The following SEMA3C variants were observed in gnomAD, a reference collection of about 807,000 sequenced individuals.
SEMA3C encodes the protein semaphorin 3C.
Under a neutral mutation model 89.4 loss-of-function variants are expected in SEMA3C, and 47 were observed. The observed-to-expected ratio is 0.53, with a 90% CI of 0.42 to 0.67. The LOEUF (loss-of-function observed/expected upper bound fraction) is 0.67, where lower values mean the gene tolerates loss of function less well. Among genes scored for constraint, SEMA3C ranks in the 30% least tolerant of loss-of-function variants. SEMA3C has a pLI of 0.00. For missense variants in SEMA3C, 839 were observed against 929.1 expected, an observed-to-expected ratio of 0.90 and a Z score of 1.26; for synonymous variants, 310 against 320.2, an observed-to-expected ratio of 0.97 and a Z score of 0.34.
intron 12 of SEMA3C, among the ~76,000 whole-genome samples, chr7:80,773,170 A>G (rs1255825051): frequency 6.6e-6 from 1 of 152,160 alleles, no homozygotes; most frequent in Non-Finnish European, 1.5e-5. Context: ...ATTTTTAGCT[A>G]AAATAACACA....
intron 2 of SEMA3C, among the ~76,000 whole-genome samples, chr7:80,849,758 T>TA (rs1280339281): frequency 6.6e-6 from 1 of 152,136 alleles, no homozygotes; most frequent in Non-Finnish European, 1.5e-5. Context: ...GTTTCTTAAA[T>TA]AGGGCAAAGA....
chr7:80,889,602 G>A (rs1274983192), intron 2 of SEMA3C, among the ~76,000 whole-genome samples: 1 of 151,984 alleles, frequency 6.6e-6, no homozygotes. Flanking sequence ...TAAAAGTATA[G>A]ATTATTTTGG....
At chr7:80,886,775 A>G (rs916512442) in intron 2 of SEMA3C, among the ~76,000 whole-genome samples, 2 of 152,232 alleles carry the variant, frequency 1.3e-5, no homozygotes, top group Non-Finnish European at 2.9e-5. Context: ...TCATAAAATT[A>G]TTAAACCAAC....
At chr7:80,810,788 AATT>A in intron 5 of SEMA3C, 87 bp from the exon 6 acceptor site, 1 of 995,588 alleles carries the variant, frequency 1.0e-6, no homozygotes, top group Non-Finnish European at 1.6e-6. Context: ...GCATCATTAA[AATT>A]AATATGCTTT....
chr7:80,862,476 TG>T (rs1790795885), intron 2 of SEMA3C, among the ~76,000 whole-genome samples: 1 of 152,176 alleles, frequency 6.6e-6, no homozygotes, highest in South Asian at 2.1e-4. Context: ...CCCATGCTCA[TG>T]GATGGGTAGA....
intron 6 of SEMA3C, among the ~76,000 whole-genome samples, chr7:80,807,850 G>T (rs542500735): frequency 6.6e-6 from 1 of 152,250 alleles, no homozygotes; most frequent in East Asian, 1.9e-4. Flanking sequence ...CTATTACATG[G>T]TTAAGGGAGA....
At position 80,797,075 on chromosome 7, in the gene SEMA3C, A is replaced by C. The variant is rs182445686; in HGVS notation, c.1131+1017T>G. On this transcript the variant is annotated intron_variant, in intron 11 of 17. Coordinates refer to ENST00000265361, the MANE Select transcript of SEMA3C (RefSeq NM_006379.5). ...ATTTCAAATTCAAGAAAAAAGGAAC[A>C]CCTTGTTTACATAAATGTATCTTTT... 1.7e-3 allele frequency among the ~76,000 whole-genome samples: 253 copies of C among 152,226 alleles called. 1 individual carries two copies. Among genetic ancestry groups the C allele is most frequent in the African/African-American group, 5.8e-3 (240 of 41,548 alleles).
At chr7:80,882,456 A>G (rs542184744) in intron 2 of SEMA3C, among the ~76,000 whole-genome samples, 47 of 110,572 alleles carry the variant, frequency 4.3e-4, no homozygotes, top group Non-Finnish European at 6.6e-4. Context: ...TTCACTGTCA[A>G]TTATGCCTCG....
intron 2 of SEMA3C, among the ~76,000 whole-genome samples, chr7:80,913,127 G>A (rs930159565): frequency 4.6e-5 from 7 of 152,138 alleles, no homozygotes; most frequent in South Asian, 2.1e-4. Flanking sequence ...AGGGCCAGGC[G>A]CAGTGGCTCA....
At chr7:80,895,874 T>C (rs1344246957) in intron 2 of SEMA3C, among the ~76,000 whole-genome samples, 1 of 152,172 alleles carries the variant, frequency 6.6e-6, no homozygotes. Flanking sequence ...CTTTATTTCA[T>C]CCATTTTAAA....
At position 80,805,586 on chromosome 7, in the gene SEMA3C, A is replaced by T; in HGVS notation, c.658+53T>A. ...TCCCTAGTTGTTAGGATAGAATTAA[A>T]TAAGTTAGTTTAACACGATACTAAA... is the stretch of plus-strand genomic sequence containing the variant. On this transcript the variant is annotated intron_variant, in intron 7 of 17. Coordinates refer to ENST00000265361, the MANE Select transcript of SEMA3C (RefSeq NM_006379.5). The T allele has an allele frequency of 4.0e-6, 6 of 1,502,318 alleles. No homozygotes were observed. In the South Asian group the frequency reaches 7.6e-5, roughly 19 times the overall value. The allele number at this position is 1,502,318 out of a possible 1,614,324, so 93.1% of individuals were successfully genotyped here. A position where few individuals can be genotyped will look rare whatever the true frequency, so the allele number is the denominator to read the frequency against.
chr7:80,839,449 G>A (rs1475654217), intron 2 of SEMA3C, among the ~76,000 whole-genome samples: 3 of 152,158 alleles, frequency 2.0e-5, no homozygotes, highest in Non-Finnish European at 4.4e-5. Flanking sequence ...AGTGGGCACA[G>A]AAGAGAAATG....
chr7:80,777,196 G>C (rs1788570459), intron 12 of SEMA3C, among the ~76,000 whole-genome samples: 1 of 152,098 alleles, frequency 6.6e-6, no homozygotes, highest in African/African-American at 2.4e-5. Context: ...TAACTGATAA[G>C]TGATAGAGGG....
In SEMA3C at chr7:80,743,524, G is replaced by A. The variant is rs1787728734; in HGVS notation, c.*1370C>T. ...TGTTTTTACCTGGAAGCATGAAAAT[G>A]TCTTAAAAGGTAAATAAAAAAGCAA... is the stretch of plus-strand genomic sequence containing the variant. On this transcript the variant is annotated 3_prime_UTR_variant, in exon 18 of 18. Coordinates refer to ENST00000265361, the MANE Select transcript of SEMA3C (RefSeq NM_006379.5). 3 of 151,736 alleles carry A rather than the reference G, an allele frequency of 2.0e-5. No individual in the cohort carries two copies. The highest frequency in any genetic ancestry group is 4.2e-4 in the South Asian group (2 of 4,818). The allele number at this position is 151,736 out of a possible 1,614,324, so 9.4% of individuals were successfully genotyped here.
intron 2 of SEMA3C, among the ~76,000 whole-genome samples, chr7:80,830,111 A>T (rs17154522): frequency 0.024 from 3,656 of 152,286 alleles, 97 homozygotes; most frequent in Admixed American, 0.074. Flanking sequence ...TTTTCTGGGC[A>T]CATTTGTTCA....
intron 2 of SEMA3C, among the ~76,000 whole-genome samples, chr7:80,867,576 C>G (rs973289995): frequency 6.6e-6 from 1 of 152,146 alleles, no homozygotes; most frequent in African/African-American, 2.4e-5. Flanking sequence ...CCTAGATGCT[C>G]AGTGAAATTT....
chr7:80,810,593 C>CT lies in SEMA3C; in HGVS notation c.538+17dup. 6.2e-7 allele frequency: 1 copy of CT among 1,602,094 alleles called. No homozygotes were observed. On this transcript the variant is annotated intron_variant, in intron 6 of 17. Transcript: ENST00000265361. Reference sequence around the variant, plus strand: ...TGTTATTTTATGTTTAATCCTCCCTCTTTCGTTGTCTACTTACTGATCATA... The same window carrying CT: ...TGTTATTTTATGTTTAATCCTCCCTCTTTTCGTTGTCTACTTACTGATCATA...
chr7:80,882,808 T>G (rs1346326625), intron 2 of SEMA3C, among the ~76,000 whole-genome samples: 1 of 152,082 alleles, frequency 6.6e-6, no homozygotes, highest in Admixed American at 6.6e-5. Flanking sequence ...TTTAGAGTTA[T>G]GTGGAAAACT....
chr7:80,807,949 C>A (rs1789380670), intron 6 of SEMA3C, among the ~76,000 whole-genome samples: 1 of 152,028 alleles, frequency 6.6e-6, no homozygotes, highest in Non-Finnish European at 1.5e-5. Context: ...GCTTTTTGTT[C>A]TTTTTACTGT....
Sources: allele counts gnomAD v4.1 joint callset (sites outside exome capture counted in the v4.1 genomes callset), GRCh38; gene constraint gnomAD v4.1.1; transcripts MANE v1.5; gene names NCBI Gene and HGNC (gene_info 2026-07-23, HGNC 2026-07-21).